Variants in DTNA observed in about 807,000 individuals in gnomAD.
DTNA encodes dystrobrevin alpha.
DTNA carries 43 observed loss-of-function variants against 100.7 expected under a neutral mutation model. The observed-to-expected ratio is 0.43, with a 90% CI of 0.33 to 0.55. The LOEUF is 0.55. Ranked by LOEUF, DTNA falls within the 20% of genes least tolerant of loss-of-function variation. DTNA has a pLI of 0.04. For missense variants in DTNA, 798 were observed against 953.9 expected (o/e 0.84, Z 2.15); for synonymous variants, 349 against 347.9 (o/e 1.00, Z -0.04).
At chr18:34,860,228 T>TC (rs1603275114) in intron 16 of DTNA, among the ~76,000 whole-genome samples, 1 of 131,214 alleles carries the variant, frequency 7.6e-6, no homozygotes, top group African/African-American at 3.1e-5. Context: ...TTGTTTTTTT[T>TC]TTTTTTTTTT....
chr18:34,754,492 C>T (rs778053034), intron 1 of DTNA, among the ~76,000 whole-genome samples: 6 of 152,100 alleles, frequency 3.9e-5, no homozygotes, highest in Admixed American at 2.0e-4. Flanking sequence ...CAGAGGACAG[C>T]GTGGTCCTGG....
At chr18:34,512,659 T>G (rs1268461210) in intron 1 of DTNA, among the ~76,000 whole-genome samples, 1 of 152,052 alleles carries the variant, frequency 6.6e-6, no homozygotes, top group East Asian at 1.9e-4. Flanking sequence ...GGTGGTGGTG[T>G]TACTGTTCTC....
intron 1 of DTNA, among the ~76,000 whole-genome samples, chr18:34,583,579 C>T (rs1490206954): frequency 1.3e-5 from 2 of 148,248 alleles, no homozygotes; most frequent in Non-Finnish European, 3.0e-5. Context: ...CAGCAGAGAG[C>T]TATTGACTTT....
At chr18:34,726,103 G>T (rs942054350) in intron 1 of DTNA, among the ~76,000 whole-genome samples, 3 of 152,212 alleles carry the variant, frequency 2.0e-5, no homozygotes, top group South Asian at 4.2e-4. Context: ...GTCGGGGAGT[G>T]GGGGGCTGGA....
chr18:34,748,950 CTATT>C (rs781315363), intron 1 of DTNA, among the ~76,000 whole-genome samples: 4 of 152,078 alleles, frequency 2.6e-5, no homozygotes, highest in Non-Finnish European at 4.4e-5. Flanking sequence ...GGGTGTGTTT[CTATT>C]TGTTTGTGTC....
intron 1 of DTNA, among the ~76,000 whole-genome samples, chr18:34,588,746 T>C (rs1598772497): frequency 6.7e-6 from 1 of 150,246 alleles, no homozygotes; most frequent in East Asian, 1.9e-4. Flanking sequence ...ACAGAAAATT[T>C]ACAAAAAGTG....
intron 1 of DTNA, among the ~76,000 whole-genome samples, chr18:34,712,843 C>G (rs1383285): frequency 6.6e-6 from 1 of 151,898 alleles, no homozygotes; most frequent in Admixed American, 6.6e-5. Context: ...ACTAAGGAGA[C>G]AGATATTTAA....
At chr18:34,762,357 A>C (rs1601603557) in intron 2 of DTNA, among the ~76,000 whole-genome samples, 2 of 152,154 alleles carry the variant, frequency 1.3e-5, no homozygotes, top group Non-Finnish European at 2.9e-5. Context: ...GGATGTCATG[A>C]CCATGTCTAA....
At chr18:34,852,245 C>T (rs1399878467) in intron 15 of DTNA, among the ~76,000 whole-genome samples, 1 of 152,094 alleles carries the variant, frequency 6.6e-6, no homozygotes, top group Non-Finnish European at 1.5e-5. Flanking sequence ...ACAGGAGGAC[C>T]CTCCTGGGTA....
Position 34,628,025 on chromosome 18 carries a change from A to G in DTNA, c.-1-127951A>G, listed in dbSNP as rs189989073. The stretch of plus-strand genomic sequence containing the variant: ...AGGCTGGTCTCCATCTGCTGGCCTC[A>G]AGTGATACTTCTGCCTCAGCCTCCC... On this transcript the variant is annotated intron_variant, in intron 1 of 19. Coordinates refer to the DTNA transcript ENST00000283365. 2.0e-3 allele frequency among the ~76,000 whole-genome samples: 304 copies of G among 152,254 alleles called. 1 individual carries two copies. The highest frequency in any genetic ancestry group is 7.0e-3 in the African/African-American group (292 of 41,546).
chr18:34,637,551 A>T (rs1381226585), intron 1 of DTNA, among the ~76,000 whole-genome samples: 1 of 152,170 alleles, frequency 6.6e-6, no homozygotes, highest in Non-Finnish European at 1.5e-5. Context: ...TAGGCTAAAA[A>T]TTTGCTTAGC....
chr18:34,847,439 T>C (rs969190676), intron 13 of DTNA, among the ~76,000 whole-genome samples: 1 of 152,200 alleles, frequency 6.6e-6, no homozygotes, highest in African/African-American at 2.4e-5. Flanking sequence ...TCCCAAAAGT[T>C]AGTAGCTTAA....
chr18:34,657,706 C>A lies in DTNA; in HGVS notation c.-1-98270C>A, dbSNP rs72951301. On this transcript the variant is annotated intron_variant, in intron 1 of 19. Coordinates refer to the DTNA transcript ENST00000283365. Reference sequence around the variant, plus strand: ...TTAGGGGAACACCATGAGCCATTCTCCAATAGAAGTCTATCCAAATTTCAG... The same window carrying A: ...TTAGGGGAACACCATGAGCCATTCTACAATAGAAGTCTATCCAAATTTCAG... Among the ~76,000 whole-genome samples the A allele has an allele frequency of 7.5e-3, 1,138 of 152,210 alleles. 4 individuals are homozygous for A. The highest frequency in any genetic ancestry group is 0.011 in the Non-Finnish European group (768 of 68,006).
intron 1 of DTNA, among the ~76,000 whole-genome samples, chr18:34,528,362 C>A (rs563366983): frequency 6.6e-6 from 1 of 152,076 alleles, no homozygotes; most frequent in African/African-American, 2.4e-5. Flanking sequence ...TACAGACAAT[C>A]ATGGGTTATT....
chr18:34,578,828 GC>G (rs2146602175), intron 1 of DTNA, among the ~76,000 whole-genome samples: 1 of 152,100 alleles, frequency 6.6e-6, no homozygotes, highest in Admixed American at 6.5e-5. Context: ...TGGTCTATGT[GC>G]CTATTTTTAT....
At chr18:34,886,611 C>T (rs2096924084) in intron 22 of DTNA, among the ~76,000 whole-genome samples, 1 of 152,116 alleles carries the variant, frequency 6.6e-6, no homozygotes, top group Non-Finnish European at 1.5e-5. Context: ...AATTTGGTAC[C>T]TAAAAGCCAA....
chr18:34,726,905 C>G (rs2147168583), intron 1 of DTNA, among the ~76,000 whole-genome samples: 1 of 152,336 alleles, frequency 6.6e-6, no homozygotes, highest in Non-Finnish European at 1.5e-5. Context: ...TAGCACTGCC[C>G]TAGGAAAGTA....
At chr18:34,699,708 C>T in intron 1 of DTNA, among the ~76,000 whole-genome samples, 1 of 152,148 alleles carries the variant, frequency 6.6e-6, no homozygotes, top group East Asian at 1.9e-4. Flanking sequence ...ACAAATAATT[C>T]AGCATTTTAC....
intron 3 of DTNA, among the ~76,000 whole-genome samples, chr18:34,766,720 C>A (rs965428893): frequency 6.6e-6 from 1 of 152,098 alleles, no homozygotes; most frequent in Non-Finnish European, 1.5e-5. Flanking sequence ...TATAAAATAT[C>A]AAACATTAAA....
Sources: allele counts gnomAD v4.1 joint callset (sites outside exome capture counted in the v4.1 genomes callset), GRCh38; gene constraint gnomAD v4.1.1; transcripts MANE v1.5; gene names NCBI Gene and HGNC (gene_info 2026-07-23, HGNC 2026-07-21).